The following NECTIN3 variants were observed in gnomAD, a reference collection of about 807,000 sequenced individuals.
NECTIN3 encodes the protein nectin-3.
NECTIN3 carries 8 observed loss-of-function variants against 49.4 expected under a neutral mutation model. That is an observed-to-expected ratio of 0.16 (90% CI 0.10 to 0.29). The LOEUF is 0.29. Ranked by LOEUF, NECTIN3 falls within the 10% of genes least tolerant of loss-of-function variation. The pLI, the probability that NECTIN3 is intolerant of heterozygous loss-of-function variation, is 1.00. For missense variants in NECTIN3, 581 were observed against 654.6 expected (o/e 0.89, Z 1.23); for synonymous variants, 277 against 241.1 (o/e 1.15, Z -1.38).
chr3:111,089,759 T>C (rs2032148968), intron 1 of NECTIN3, among the ~76,000 whole-genome samples: 3 of 152,168 alleles, frequency 2.0e-5, no homozygotes. Flanking sequence ...CATGTATGTA[T>C]GTGTATATGA....
intron 1 of NECTIN3, among the ~76,000 whole-genome samples, chr3:111,077,521 G>A (rs1246067490): frequency 2.6e-5 from 4 of 151,992 alleles, no homozygotes; most frequent in Non-Finnish European, 4.4e-5. Flanking sequence ...GATAGGATGT[G>A]TGAGTTAAAA....
intron 7 of NECTIN3, among the ~76,000 whole-genome samples, chr3:111,161,495 C>T (rs1005086693): frequency 2.0e-5 from 3 of 152,146 alleles, no homozygotes; most frequent in Admixed American, 2.0e-4. Flanking sequence ...CAGTATTGGT[C>T]TGTGGCTTGT....
intron 4 of NECTIN3, among the ~76,000 whole-genome samples, chr3:111,125,584 T>C (rs1422588080): frequency 1.3e-5 from 2 of 152,158 alleles, no homozygotes; most frequent in Admixed American, 1.3e-4. Flanking sequence ...TGATACCAAG[T>C]GGTGTCTTGG....
chr3:111,093,119 G>A lies in NECTIN3; in HGVS notation c.161-18911G>A, dbSNP rs75885822. Reference sequence around the variant, plus strand: ...ATTCCTAGTCTATAGAAATGCAGTTGAATTTTGTGTATTGAGCTTGTATCC... The same window carrying A: ...ATTCCTAGTCTATAGAAATGCAGTTAAATTTTGTGTATTGAGCTTGTATCC... On this transcript the variant is annotated intron_variant, in intron 1 of 5. Coordinates refer to ENST00000485303, the MANE Select transcript of NECTIN3 (RefSeq NM_015480.3). 1.4e-3 allele frequency among the ~76,000 whole-genome samples: 218 copies of A among 152,256 alleles called. 1 individual carries two copies. Among genetic ancestry groups the A allele is most frequent in the Admixed American group, 3.9e-3 (59 of 15,298 alleles).
At chr3:111,182,057 T>C (rs985218189) in intron 7 of NECTIN3, among the ~76,000 whole-genome samples, 2 of 152,092 alleles carry the variant, frequency 1.3e-5, no homozygotes, top group African/African-American at 4.8e-5. Context: ...GATATCATTA[T>C]TCAGTTAAAT....
intron 6 of NECTIN3, among the ~76,000 whole-genome samples, chr3:111,145,241 G>C (rs1487788066): frequency 3.3e-5 from 5 of 152,122 alleles, no homozygotes; most frequent in Non-Finnish European, 7.4e-5. Flanking sequence ...TAGAGGTATA[G>C]AACAGCTTTA....
chr3:111,079,116 A>C (rs949928167), intron 1 of NECTIN3, among the ~76,000 whole-genome samples: 17 of 152,110 alleles, frequency 1.1e-4, no homozygotes, highest in African/African-American at 4.1e-4. Flanking sequence ...AAAAATATTA[A>C]TGAAATGCTA....
chr3:111,149,826 T>C (rs990465166), intron 7 of NECTIN3, among the ~76,000 whole-genome samples: 2 of 151,986 alleles, frequency 1.3e-5, no homozygotes, highest in African/African-American at 4.8e-5. Context: ...AGGGGCTTCC[T>C]TATGTCATTC....
chr3:111,130,376 A>G (rs2034343562), intron 5 of NECTIN3, among the ~76,000 whole-genome samples: 1 of 151,864 alleles, frequency 6.6e-6, no homozygotes, highest in African/African-American at 2.4e-5. Flanking sequence ...GGAGTATGTC[A>G]GGTATCCTAG....
rs550546156 is a variant in NECTIN3, at chr3:111,071,848, C to G, written c.-170C>G. On this transcript the variant is annotated 5_prime_UTR_variant, in exon 1 of 6. Transcript: ENST00000485303. ...GCAGTGGCGTCGGCGACGGCGGTGT[C>G]GAGGCAGCCGCCAGCGTTCGGCCAA... The G allele has an allele frequency of 1.2e-5, 5 of 413,586 alleles. No homozygotes were observed. The highest frequency in any genetic ancestry group is 1.2e-4 in the East Asian group (3 of 25,130). 25.6% of individuals were successfully genotyped at this position (413,586 alleles called of 1,614,324 possible). A position where few individuals can be genotyped will look rare whatever the true frequency, so the allele number is the denominator to read the frequency against.
intron 1 of NECTIN3, among the ~76,000 whole-genome samples, chr3:111,091,719 T>A (rs945622214): frequency 6.6e-6 from 1 of 152,210 alleles, no homozygotes; most frequent in Non-Finnish European, 1.5e-5. Flanking sequence ...GACATTTGGG[T>A]TATTTCTGCT....
chr3:111,122,032 G>A, intron 3 of NECTIN3, 89 bp from the exon 4 acceptor site: 1 of 902,254 alleles, frequency 1.1e-6, no homozygotes, highest in Non-Finnish European at 1.7e-6. Flanking sequence ...TTATTCTAAG[G>A]CTTTGTCTAT....
chr3:111,072,115 C>T lies in NECTIN3; in HGVS notation c.98C>T (p.Pro33Leu). 6.5e-7 allele frequency: 1 copy of T among 1,549,620 alleles called. No homozygotes were observed. The highest frequency in any genetic ancestry group is 8.7e-7 in the Non-Finnish European group (1 of 1,146,228). The change falls in exon 1 of 6, where the codon CCC becomes CTC. Residue 33 changes from proline to leucine, a missense_variant. Around this residue, in one of 3 missense-constraint regions of NECTIN3, gnomAD observed 109 missense variants for 69.1 expected, o/e 1.58. Transcript: ENST00000485303. ...SLLGAGLLLQ[P>L]PTPPPLLLLL... Reference sequence around the variant, plus strand: ...CTCGGAGCCGGGCTCCTGCTGCAGCCCCCGACGCCACCTCCGCTGCTGCTG... The same window carrying T: ...CTCGGAGCCGGGCTCCTGCTGCAGCTCCCGACGCCACCTCCGCTGCTGCTG...
intron 2 of NECTIN3, among the ~76,000 whole-genome samples, chr3:111,113,489 T>G (rs1216977172): frequency 6.6e-6 from 1 of 152,136 alleles, no homozygotes; most frequent in Non-Finnish European, 1.5e-5. Flanking sequence ...AGGACAGCAA[T>G]TTTGTCCAAA....
intron 1 of NECTIN3, among the ~76,000 whole-genome samples, chr3:111,096,665 C>A (rs978027185): frequency 2.0e-5 from 3 of 152,098 alleles, no homozygotes; most frequent in Non-Finnish European, 2.9e-5. Flanking sequence ...GCGTCCCAGC[C>A]GCTCCAGCCG....
chr3:111,105,252 C>T (rs1004054630), intron 1 of NECTIN3, among the ~76,000 whole-genome samples: 4 of 151,802 alleles, frequency 2.6e-5, no homozygotes, highest in African/African-American at 4.8e-5. Context: ...AAGCGATACT[C>T]CCACCTCAGC....
chr3:111,104,881 G>A (rs2033101140), intron 1 of NECTIN3, among the ~76,000 whole-genome samples: 1 of 152,064 alleles, frequency 6.6e-6, no homozygotes, highest in African/African-American at 2.4e-5. Flanking sequence ...ATAAATTTTA[G>A]AACAACTTGT....
At chr3:111,158,260 T>C (rs2035138355) in intron 7 of NECTIN3, among the ~76,000 whole-genome samples, 1 of 152,062 alleles carries the variant, frequency 6.6e-6, no homozygotes, top group African/African-American at 2.4e-5. Flanking sequence ...ATATTTCTTA[T>C]ATATAAGTAA....
At chr3:111,105,629 T>C (rs1307651202) in intron 1 of NECTIN3, among the ~76,000 whole-genome samples, 4 of 152,208 alleles carry the variant, frequency 2.6e-5, no homozygotes, top group Admixed American at 6.5e-5. Flanking sequence ...AAGACAATTG[T>C]GTTTTCTGTG....
Sources: gnomAD v4.1 joint callset for allele counts (sites outside exome capture counted in the v4.1 genomes callset) on GRCh38, gnomAD v4.1.1 for gene constraint, gnomAD v4.1.1 regional missense constraint, MANE v1.5 for transcripts, NCBI Gene and HGNC (gene_info 2026-07-23, HGNC 2026-07-21) for gene names.